Variants in TTN observed in about 807,000 individuals in gnomAD.
The protein encoded by TTN is titin, also known as connectin.
TTN carries 1,525 observed loss-of-function variants against 3,223.0 expected under a neutral mutation model. The observed-to-expected ratio is 0.47, with a 90% CI of 0.45 to 0.49. The LOEUF (loss-of-function observed/expected upper bound fraction) is 0.49, where lower values mean the gene tolerates loss of function less well. Among genes scored for constraint, TTN ranks in the 20% least tolerant of loss-of-function variants. The pLI, the probability that TTN is intolerant of heterozygous loss-of-function variation, is 0.00. For synonymous variants in TTN, 14,094 were observed against 15,161.0 expected (o/e 0.93, Z 5.17); for missense variants, 40,786 against 43,424.0 (o/e 0.94, Z 5.40).
rs779586083 is a variant in TTN at position 178,586,731 on chromosome 2, G to A, written c.64170C>T (p.Pro21390=). The A allele has an allele frequency of 1.1e-5, 18 of 1,613,036 alleles. No individual in the cohort carries two copies. Among genetic ancestry groups the A allele is most frequent in the Non-Finnish European group, 1.5e-5 (18 of 1,179,314 alleles). ...CGATTTTAGCACCTCCATCACGTAG[G>A]GGAGGTAACCAGGCTAAGGTGGCAC... ...KNSATLAWLP[P]LRDGGAKIDG... is the part of the protein sequence containing the mutation. The change falls in exon 308 of 363, where the codon CCC becomes CCT. Residue 21390 remains proline, a synonymous_variant. Transcript: ENST00000589042.
chr2:178,711,831 A>G, intron 96 of TTN, 113 bp downstream of exon 96: 1 of 1,291,612 alleles, frequency 7.7e-7, no homozygotes, highest in Non-Finnish European at 1.1e-6. Context: ...GGATTACTTA[A>G]GCAGAATTTT....
intron 11 of TTN, 66 bp from the exon 12 acceptor site, chr2:178,790,181 T>A: frequency 6.5e-7 from 1 of 1,547,386 alleles, no homozygotes; most frequent in South Asian, 1.2e-5. Flanking sequence ...AAAAGAAACG[T>A]AAGTCAAAAA....
intron 134 of TTN, 148 bp from the exon 135 acceptor site, chr2:178,683,051 A>G: frequency 2.0e-6 from 2 of 999,990 alleles, no homozygotes; most frequent in Admixed American, 2.3e-5. Flanking sequence ...TGGCCAGTCA[A>G]GGTATCATAG....
At chr2:178,663,600 C>T in intron 171 of TTN, 27 bp downstream of exon 171, 2 of 1,613,690 alleles carry the variant, frequency 1.2e-6, no homozygotes, top group Non-Finnish European at 1.7e-6. Context: ...GATACATCAT[C>T]TGAAGCCTAA....
Position 178,692,034 on chromosome 2 carries a change from G to A in TTN, c.31744C>T (p.Pro10582Ser), listed in dbSNP as rs761971861. 1.7e-5 allele frequency: 27 copies of A among 1,612,612 alleles called. No homozygotes were observed. The East Asian group carries it at 5.8e-4, about 35-fold the overall frequency. Reference protein sequence around the residue: ...KKPVPVPKKEPAAPPKVPEVP... With the variant: ...KKPVPVPKKESAAPPKVPEVP... The stretch of plus-strand genomic sequence containing the variant: ...GGCGTACCTTTTGGGGGAGCAGCAG[G>A]TTCCTTCTTAGGCACAGGAACTGGC... The change falls in exon 121 of 363, where the codon CCT (proline) becomes TCT (serine). Residue 10582 changes from proline (P) to serine (S), a missense_variant. Transcript: ENST00000589042.
Position 178,588,108 on chromosome 2 carries a change from A to G in TTN, c.63299T>C (p.Val21100Ala). 6.2e-7 allele frequency: 1 copy of G among 1,612,894 alleles called. No individual in the cohort carries two copies. The highest frequency in any genetic ancestry group is 8.5e-7 in the Non-Finnish European group (1 of 1,179,314). Reference sequence around the variant, plus strand: ...TGCTATTTTTGGTCTCATTTCCACAACATATCCAATGATCGGTGCACCACC... The same window carrying G: ...TGCTATTTTTGGTCTCATTTCCACAGCATATCCAATGATCGGTGCACCACC... ...YDGGAPIIGY[V>A]VEMRPKIADA... Residue 21100 changes from valine to alanine, a missense_variant, in exon 305 of 363, where the codon GTT becomes GCT. Coordinates refer to ENST00000589042, the MANE Select transcript of TTN (RefSeq NM_001267550.2).
chr2:178,535,478 G>C lies in TTN; in HGVS notation c.101137C>G (p.Pro33713Ala). Reference protein sequence around the residue: ...RDSVNLTWTEPASDGGSKITN... With the variant: ...RDSVNLTWTEAASDGGSKITN... ...ATTTTGCTGCCACCATCAGAGGCTG[G>C]CTCAGTCCATGTTAAGTTGACAGAA... The change falls in exon 358 of 363, where the codon CCA becomes GCA. Residue 33713 changes from proline to alanine, a missense_variant. By Grantham distance (27) the Pro-to-Ala change is conservative. Transcript: ENST00000589042. The C allele has an allele frequency of 6.2e-7, 1 of 1,613,814 alleles. No individual in the cohort carries two copies. Among genetic ancestry groups the C allele is most frequent in the Non-Finnish European group, 8.5e-7 (1 of 1,179,802 alleles).
Position 178,625,342 on chromosome 2 carries a change from A to T in TTN, c.44479T>A (p.Leu14827Ile). ...AGTTGGACTTCCCCAGCATCTTCTA[A>T]CTTTACATCCCTCAGAGTAAGTGTA... ...VHTLTLRDVK[L>I]EDAGEVQLTA... The change falls in exon 241 of 363, where the codon TTA becomes ATA. Residue 14827 changes from leucine (L) to isoleucine (I), a missense_variant. Leu to Ile is a conservative substitution (Grantham distance 5). Coordinates refer to ENST00000589042, the MANE Select transcript of TTN (RefSeq NM_001267550.2). 1 of 1,602,440 alleles carries T rather than the reference A, an allele frequency of 6.2e-7. No individual in the cohort carries two copies. The highest frequency in any genetic ancestry group is 2.3e-5 in the East Asian group (1 of 44,024).
chr2:178,615,031 T>C, intron 259 of TTN, 63 bp from the exon 260 acceptor site: 1 of 1,388,554 alleles, frequency 7.2e-7, no homozygotes, highest in Non-Finnish European at 9.8e-7. Flanking sequence ...TGTGTAGTAC[T>C]CATAATCTTT....
Position 178,590,311 on chromosome 2 carries a change from G to T in TTN, c.61414C>A (p.His20472Asn). The T allele has an allele frequency of 1.9e-6, 3 of 1,570,784 alleles. No individual in the cohort carries two copies. The highest frequency in any genetic ancestry group is 2.6e-6 in the Non-Finnish European group (3 of 1,159,056). ...AESVIAKDILHPPEVELDVTC... is the reference protein window; with the variant it reads ...AESVIAKDILNPPEVELDVTC... ...ACATCAAGTTCTACTTCTGGAGGAT[G>T]AAGGATATCTTTTGCAATCACAGAT... is the stretch of plus-strand genomic sequence containing the variant. Residue 20472 changes from histidine (H) to asparagine (N), a missense_variant, in exon 304 of 363, where the codon CAT becomes AAT. Transcript: ENST00000589042.
chr2:178,784,015 C>T, intron 16 of TTN, 55 bp downstream of exon 16: 1 of 1,610,346 alleles, frequency 6.2e-7, no homozygotes, highest in Middle Eastern at 2.2e-4. Context: ...TAGCCAACCA[C>T]CTGGCCCTGC....
In TTN at chr2:178,735,955, C is replaced by T; in HGVS notation, c.14491G>A (p.Asp4831Asn). 6.2e-7 allele frequency: 1 copy of T among 1,613,840 alleles called. No individual in the cohort carries two copies. ...GGTGAAGGTGAGAGTGCAGCACCAT[C>T]TTTCTGCCAAATGGTTTCTATCACA... ...TPVIETIWQK[D>N]GAALSPSPNW... Residue 4831 changes from aspartate (D) to asparagine (N), a missense_variant, in exon 50 of 363, where the codon GAT becomes AAT. Coordinates refer to ENST00000589042, the MANE Select transcript of TTN (RefSeq NM_001267550.2).
chr2:178,601,052 A>C lies in TTN; in HGVS notation c.55852T>G (p.Cys18618Gly). The C allele has an allele frequency of 2.5e-6, 4 of 1,612,822 alleles. No homozygotes were observed. Among genetic ancestry groups the C allele is most frequent in the Non-Finnish European group, 3.4e-6 (4 of 1,179,302 alleles). The change falls in exon 288 of 363, where the codon TGC (cysteine) becomes GGC (glycine). Residue 18618 changes from cysteine to glycine, a missense_variant. Cys to Gly is a radical substitution (Grantham distance 159, BLOSUM62 -3). Coordinates refer to ENST00000589042, the MANE Select transcript of TTN (RefSeq NM_001267550.2). The stretch of plus-strand genomic sequence containing the variant: ...GTCCCAGTAGGGTCCCATGCAAGGC[A>C]CTCAACAATATAGTGGGTAACAGGG... Reference protein sequence around the residue: ...GSPVTHYIVECLAWDPTGTKK... With the variant: ...GSPVTHYIVEGLAWDPTGTKK...
chr2:178,558,613 A>T lies in TTN; in HGVS notation c.86846T>A (p.Leu28949His). 6.2e-7 allele frequency: 1 copy of T among 1,612,204 alleles called. No homozygotes were observed. Among genetic ancestry groups the T allele is most frequent in the Non-Finnish European group, 8.5e-7 (1 of 1,179,512 alleles). The change falls in exon 327 of 363, where the codon CTT becomes CAT. Residue 28949 changes from leucine (L) to histidine (H), a missense_variant. Coordinates refer to ENST00000589042, the MANE Select transcript of TTN (RefSeq NM_001267550.2). ...ITEKPSPPEK[L>H]GVTSISKDSV... The stretch of plus-strand genomic sequence containing the variant: ...GTCTTTGGATATACTTGTTACTCCA[A>T]GTTTTTCAGGTGGGCTTGGTTTTTC...
chr2:178,666,462 A>G (rs2065946638), intron 163 of TTN, among the ~76,000 whole-genome samples: 2 of 152,082 alleles, frequency 1.3e-5, no homozygotes, highest in Admixed American at 6.6e-5. Flanking sequence ...ATATTCTGGG[A>G]GGGTCTCAGG....
intron 85 of TTN, 40 bp from the exon 86 acceptor site, chr2:178,718,261 C>T: frequency 6.3e-7 from 1 of 1,593,158 alleles, no homozygotes. Context: ...TCAGTCATGC[C>T]ATGTAAAAGA....
In TTN at chr2:178,729,391, G is replaced by A. The variant is rs1180868012; in HGVS notation, c.18765C>T (p.Asn6255=). 1 of 1,613,594 alleles carries A rather than the reference G, an allele frequency of 6.2e-7. No individual in the cohort carries two copies. Among genetic ancestry groups the A allele is most frequent in the Non-Finnish European group, 8.5e-7 (1 of 1,179,656 alleles). Residue 6255 remains asparagine, a synonymous_variant, in exon 64 of 363, where the codon AAC becomes AAT. Transcript: ENST00000589042. Reference sequence around the variant, plus strand: ...AAGGGTCACACTTGGTTATATGGAGGTTAAACACAGACACTCTGTCGGTCA... The same window carrying A: ...AAGGGTCACACTTGGTTATATGGAGATTAAACACAGACACTCTGTCGGTCA... ...YTLTDRVSVF[N]LHITKCDPSD...
chr2:178,787,979 A>T (rs1266544325), intron 13 of TTN, among the ~76,000 whole-genome samples: 1 of 152,076 alleles, frequency 6.6e-6, no homozygotes, highest in Non-Finnish European at 1.5e-5. Flanking sequence ...AAAGAAGAGT[A>T]TTATTTGGTC....
rs2092168184 is a variant in TTN at position 178,775,922 on chromosome 2, C to T, written c.5942G>A (p.Arg1981Lys). The T allele has an allele frequency of 3.7e-6, 6 of 1,613,988 alleles. No individual in the cohort carries two copies. The highest frequency in any genetic ancestry group is 1.3e-5 in the African/African-American group (1 of 74,896). ...TTTTTCATGGGTAATTCTTTCAGCC[C>T]TTTTCAACTTCACAACTTCTTTGGT... ...TETKEVVKLK[R>K]AERITHEKVP... Residue 1981 changes from arginine (R) to lysine (K), a missense_variant, in exon 28 of 363, where the codon AGG (arginine) becomes AAG (lysine). Arg to Lys is a conservative substitution (Grantham distance 26). Transcript: ENST00000589042.
Sources: gnomAD v4.1 joint callset for allele counts (sites outside exome capture counted in the v4.1 genomes callset) on GRCh38, gnomAD v4.1.1 for gene constraint, MANE v1.5 for transcripts, NCBI Gene and HGNC (gene_info 2026-07-23, HGNC 2026-07-21) for gene names.